ZNF469: variants seen among roughly 807,000 people sequenced by gnomAD.
The protein encoded by ZNF469 is zinc finger protein 469.
In ZNF469, 1 loss-of-function variant was observed where a neutral mutation model predicts 1.0. That is an observed-to-expected ratio of 1.00 (90% CI 0.35 to 4.73). The LOEUF (loss-of-function observed/expected upper bound fraction) is 4.73, where lower values mean the gene tolerates loss of function less well. ZNF469 is among the 30% of genes most tolerant of loss of function. The pLI, the probability that ZNF469 is intolerant of heterozygous loss-of-function variation, is 0.16. For missense variants in ZNF469, 6,100 were observed against 5,356.3 expected (o/e 1.14, Z -4.33); for synonymous variants, 2,703 against 2,363.4 (o/e 1.14, Z -4.17).
the ZNF469 span, among the ~76,000 whole-genome samples, chr16:88,252,817 A>G: frequency 1.3e-5 from 2 of 152,150 alleles, no homozygotes; most frequent in Non-Finnish European, 2.9e-5. Flanking sequence ...GAAGACATAG[A>G]ACGTTTTTCA....
chr16:88,164,161 AATGT>A, the ZNF469 span, among the ~76,000 whole-genome samples: 1 of 125,010 alleles, frequency 8.0e-6, no homozygotes, highest in African/African-American at 3.1e-5. Flanking sequence ...TAGATAGATG[AATGT>A]ATGGATGGAT....
chr16:88,438,212 A>C lies in ZNF469; in HGVS notation c.10742A>C (p.Glu3581Ala), dbSNP rs930897295. 1 of 1,546,804 alleles carries C rather than the reference A, an allele frequency of 6.5e-7. No homozygotes were observed. The highest frequency in any genetic ancestry group is 8.7e-7 in the Non-Finnish European group (1 of 1,144,458). ...GGAGCCCTGGAGAGGCCAGAGAACG[A>C]GGCTTCCCCAGGCAGCCCCGGGCCT... is the stretch of plus-strand genomic sequence containing the variant. ...LDGALERPENEASPGSPGPLL... is the reference protein window; with the variant it reads ...LDGALERPENAASPGSPGPLL... The change falls in exon 3 of 3, where the codon GAG becomes GCG. Residue 3581 changes from glutamate (E) to alanine (A), a missense_variant. Coordinates refer to ENST00000565624, the MANE Select transcript of ZNF469 (RefSeq NM_001367624.2).
At chr16:88,183,305 T>C in the ZNF469 span, among the ~76,000 whole-genome samples, 2 of 152,100 alleles carry the variant, frequency 1.3e-5, no homozygotes, top group African/African-American at 4.8e-5. Context: ...GCAATCCCAC[T>C]CTCAAAAGAA....
the ZNF469 span, among the ~76,000 whole-genome samples, chr16:88,218,772 A>G: frequency 8.5e-5 from 13 of 152,048 alleles, no homozygotes; most frequent in African/African-American, 3.1e-4. Context: ...GGCCAGGGCA[A>G]TTAGGCAGGA....
At chr16:88,115,646 C>G in the ZNF469 span, among the ~76,000 whole-genome samples, 1 of 149,632 alleles carries the variant, frequency 6.7e-6, no homozygotes, top group African/African-American at 2.5e-5. Context: ...AATCAAGAGG[C>G]CCGCCGAGCC....
the ZNF469 span, among the ~76,000 whole-genome samples, chr16:88,202,544 C>T: frequency 1.3e-5 from 2 of 152,206 alleles, no homozygotes; most frequent in African/African-American, 4.8e-5. Context: ...CCCAGGCAGA[C>T]CCAGGGCGGG....
the ZNF469 span, among the ~76,000 whole-genome samples, chr16:88,120,160 C>T: frequency 3.9e-5 from 6 of 152,182 alleles, no homozygotes; most frequent in Admixed American, 6.5e-5. Context: ...TCCAGCTTCC[C>T]GGCTTCCAGG....
At chr16:88,212,277 T>C in the ZNF469 span, among the ~76,000 whole-genome samples, 1 of 152,254 alleles carries the variant, frequency 6.6e-6, no homozygotes, top group Non-Finnish European at 1.5e-5. Context: ...AGGTCTTCTA[T>C]CTCAGGTCTT....
the ZNF469 span, among the ~76,000 whole-genome samples, chr16:88,133,221 G>A: frequency 1.4e-4 from 21 of 152,358 alleles, no homozygotes; most frequent in South Asian, 8.3e-4. Context: ...TTCCGCCCTC[G>A]TCCTTGGTAT....
At chr16:88,123,487 T>C in the ZNF469 span, among the ~76,000 whole-genome samples, 11 of 152,120 alleles carry the variant, frequency 7.2e-5, no homozygotes, top group Non-Finnish European at 1.6e-4. Context: ...CTGTTTTTAA[T>C]TTTGGGCTGT....
chr16:88,130,577 G>C, the ZNF469 span, among the ~76,000 whole-genome samples: 1 of 151,982 alleles, frequency 6.6e-6, no homozygotes. Flanking sequence ...GTGGTGGCAG[G>C]TGCCTGTAGT....
At chr16:88,163,962 G>A in the ZNF469 span, among the ~76,000 whole-genome samples, 8 of 150,704 alleles carry the variant, frequency 5.3e-5, no homozygotes, top group East Asian at 2.0e-4. Context: ...CTGGATGAGC[G>A]GGGTAAGTGG....
chr16:88,323,379 G>A, the ZNF469 span, among the ~76,000 whole-genome samples: 1 of 152,218 alleles, frequency 6.6e-6, no homozygotes, highest in Non-Finnish European at 1.5e-5. Flanking sequence ...CAAGATGATG[G>A]CTGCTTACCT....
At chr16:88,280,500 A>T in the ZNF469 span, among the ~76,000 whole-genome samples, 16 of 150,042 alleles carry the variant, frequency 1.1e-4, no homozygotes, top group Non-Finnish European at 1.9e-4. Flanking sequence ...TGCCACCCTG[A>T]TGCTTGGTCA....
the ZNF469 span, among the ~76,000 whole-genome samples, chr16:88,323,524 G>T: frequency 1.3e-5 from 2 of 152,224 alleles, no homozygotes; most frequent in African/African-American, 4.8e-5. Flanking sequence ...GGGTGAGAGG[G>T]CCCTGGGCAT....
chr16:88,348,898 C>T, the ZNF469 span, among the ~76,000 whole-genome samples: 20 of 152,258 alleles, frequency 1.3e-4, no homozygotes, highest in African/African-American at 4.6e-4. Flanking sequence ...TGTGTGCCTG[C>T]GTGTGTGTGG....
chr16:88,406,585 G>C (rs1891411732), intron 1 of ZNF469, among the ~76,000 whole-genome samples: 1 of 152,186 alleles, frequency 6.6e-6, no homozygotes, highest in African/African-American at 2.4e-5. Flanking sequence ...CAGGGTGAGG[G>C]ACTTAGACGC....
the ZNF469 span, among the ~76,000 whole-genome samples, chr16:88,352,921 G>T: frequency 6.6e-6 from 1 of 152,184 alleles, no homozygotes; most frequent in African/African-American, 2.4e-5. Flanking sequence ...CGTTGGAGAG[G>T]CCTGGGAGGT....
At chr16:88,129,859 TA>T in the ZNF469 span, among the ~76,000 whole-genome samples, 18 of 152,110 alleles carry the variant, frequency 1.2e-4, no homozygotes, top group Non-Finnish European at 2.5e-4. Context: ...AGACTCTGTC[TA>T]AAAGAGAAAA....
Sources: allele counts gnomAD v4.1 joint callset (sites outside exome capture counted in the v4.1 genomes callset), GRCh38; gene constraint gnomAD v4.1.1; transcripts MANE v1.5; gene names NCBI Gene and HGNC (gene_info 2026-07-23, HGNC 2026-07-21).